PIK3C2A: variants seen among roughly 807,000 people sequenced by gnomAD.
PIK3C2A encodes phosphatidylinositol 4-phosphate 3-kinase C2 domain-containing subunit alpha.
A neutral mutation model predicts 204.5 loss-of-function variants in PIK3C2A; 97 were observed. The observed-to-expected ratio is 0.47, with a 90% CI of 0.40 to 0.56. The LOEUF is 0.56. Ranked by LOEUF, PIK3C2A falls within the 20% of genes least tolerant of loss-of-function variation. The pLI is 0.00. For synonymous variants in PIK3C2A, 653 were observed against 664.4 expected (o/e 0.98, Z 0.26); for missense variants, 1,735 against 1,969.2 (o/e 0.88, Z 2.25).
At chr11:17,106,108 C>CAAA (rs71047530) in intron 22 of PIK3C2A, among the ~76,000 whole-genome samples, 3 of 138,516 alleles carry the variant, frequency 2.2e-5, no homozygotes, top group African/African-American at 8.2e-5. Flanking sequence ...GACTCTATCT[C>CAAA]AAAAAAAAAA....
rs1374502445 is a variant in PIK3C2A, at chr11:17,087,046, A to C, written c.*2692T>G. 6.6e-6 allele frequency: 1 copy of C among 152,218 alleles called. No individual in the cohort carries two copies. 9.4% of individuals were successfully genotyped at this position (152,218 alleles called of 1,614,324 possible). A position where few individuals can be genotyped will look rare whatever the true frequency, so the allele number is the denominator to read the frequency against. ...GTGCAAGTTCTACATTGGGTTCCTC[A>C]GTAGAGAAAATAATAGGTTCTTTGA... On this transcript the variant is annotated 3_prime_UTR_variant, in exon 33 of 33. Coordinates refer to ENST00000691414, the MANE Select transcript of PIK3C2A (RefSeq NM_002645.4).
At chr11:17,108,226 G>A (rs756455678) in intron 22 of PIK3C2A, among the ~76,000 whole-genome samples, 5 of 152,096 alleles carry the variant, frequency 3.3e-5, no homozygotes, top group Non-Finnish European at 7.4e-5. Flanking sequence ...GTTTTAAAAC[G>A]AACTCAACAA....
rs887709299 is a variant in PIK3C2A, at chr11:17,089,382, C to T, written c.*356G>A. The T allele has an allele frequency of 2.4e-5, 4 of 167,232 alleles. No homozygotes were observed. The highest frequency in any genetic ancestry group is 9.5e-5 in the African/African-American group (4 of 42,058). 10.4% of individuals were successfully genotyped at this position (167,232 alleles called of 1,614,324 possible). On this transcript the variant is annotated 3_prime_UTR_variant, in exon 33 of 33. Transcript: ENST00000691414. Reference sequence around the variant, plus strand: ...CTATAAAAGGTGCATAACAGGAAAACACATATGCTTTGCCTCCTTATAGAA... The same window carrying T: ...CTATAAAAGGTGCATAACAGGAAAATACATATGCTTTGCCTCCTTATAGAA...
intron 20 of PIK3C2A, 129 bp from the exon 21 acceptor site, chr11:17,112,795 T>C (rs975572230): frequency 1.6e-5 from 7 of 439,304 alleles, no homozygotes; most frequent in Middle Eastern, 4.3e-4. Flanking sequence ...TTTATTTTTA[T>C]TTCTGTTAGA....
At chr11:17,156,644 G>A (rs1850602461) in intron 2 of PIK3C2A, among the ~76,000 whole-genome samples, 1 of 152,144 alleles carries the variant, frequency 6.6e-6, no homozygotes, top group Non-Finnish European at 1.5e-5. Context: ...CAGCACACAA[G>A]ATGATTCTGT....
At position 17,187,516 on chromosome 11, in the gene PIK3C2A, C is replaced by T. The variant is rs569744812; in HGVS notation, c.-65-17710G>A. Reference sequence around the variant, plus strand: ...CACTTTCATCACCCCATAAAGAAACCCTGCACCCATTAGCAGAGTTTCTCA... The same window carrying T: ...CACTTTCATCACCCCATAAAGAAACTCTGCACCCATTAGCAGAGTTTCTCA... On this transcript the variant is annotated intron_variant, in intron 1 of 32. Coordinates refer to ENST00000691414, the MANE Select transcript of PIK3C2A (RefSeq NM_002645.4). 6.6e-5 allele frequency among the ~76,000 whole-genome samples: 10 copies of T among 152,198 alleles called. No homozygotes were observed. In the South Asian group the frequency reaches 2.1e-3, roughly 32 times the overall value.
intron 1 of PIK3C2A, among the ~76,000 whole-genome samples, chr11:17,203,728 A>T (rs1852464340): frequency 6.6e-6 from 1 of 152,028 alleles, no homozygotes; most frequent in South Asian, 2.1e-4. Flanking sequence ...CCCAAGCTGG[A>T]GTGCAGTGGT....
chr11:17,132,145 A>T, intron 11 of PIK3C2A, 107 bp from the exon 12 acceptor site: 1 of 652,872 alleles, frequency 1.5e-6, no homozygotes, highest in South Asian at 2.1e-5. Flanking sequence ...ATCTGAAATA[A>T]TCTGGTCACC....
intron 26 of PIK3C2A, among the ~76,000 whole-genome samples, chr11:17,098,471 T>C (rs761956220): frequency 2.0e-5 from 3 of 152,202 alleles, no homozygotes; most frequent in Non-Finnish European, 4.4e-5. Flanking sequence ...TTGGACCTCA[T>C]AGACTCCAGA....
intron 1 of PIK3C2A, among the ~76,000 whole-genome samples, chr11:17,204,135 G>A (rs1345620384): frequency 3.3e-5 from 5 of 152,030 alleles, no homozygotes; most frequent in Non-Finnish European, 5.9e-5. Flanking sequence ...TGGACTATGG[G>A]CATGCATTAA....
chr11:17,114,269 TTACCTTCA>T, intron 20 of PIK3C2A, 84 bp downstream of exon 20: 2 of 689,374 alleles, frequency 2.9e-6, no homozygotes, highest in Non-Finnish European at 2.6e-6. Flanking sequence ...TGTGCAGGTT[TTACCTTCA>T]TTTGCCTTAA....
rs1848763510 is a variant in PIK3C2A at position 17,105,032 on chromosome 11, T to C, written c.3681+137A>G. 6.1e-6 allele frequency: 4 copies of C among 653,334 alleles called. No individual in the cohort carries two copies. The Admixed American group carries it at 8.8e-5, about 14-fold the overall frequency. The allele number at this position is 653,334 out of a possible 1,614,324, so 40.5% of individuals were successfully genotyped here. A position where few individuals can be genotyped will look rare whatever the true frequency, so the allele number is the denominator to read the frequency against. ...GCGTCTTGTTTTACATTCTTTCCTA[T>C]ACTTAGAAAAAGATGCTCTTTTCCT... is the stretch of plus-strand genomic sequence containing the variant. On this transcript the variant is annotated intron_variant, in intron 23 of 32. Coordinates refer to ENST00000691414, the MANE Select transcript of PIK3C2A (RefSeq NM_002645.4).
At chr11:17,097,642 G>A (rs1206919970) in intron 26 of PIK3C2A, among the ~76,000 whole-genome samples, 3 of 152,174 alleles carry the variant, frequency 2.0e-5, no homozygotes, top group Admixed American at 6.5e-5. Flanking sequence ...GGCTGGGCAC[G>A]GTGGCTCACG....
Position 17,145,905 on chromosome 11 carries a change from T to C in PIK3C2A, c.1598A>G (p.His533Arg), listed in dbSNP as rs758276141. 1.9e-6 allele frequency: 3 copies of C among 1,613,616 alleles called. No homozygotes were observed. The highest frequency in any genetic ancestry group is 2.5e-6 in the Non-Finnish European group (3 of 1,179,866). Residue 533 changes from histidine (H) to arginine (R), a missense_variant, in exon 7 of 33, where the codon CAC (histidine) becomes CGC (arginine). Physicochemically the swap from His to Arg is conservative, Grantham distance 29 (BLOSUM62 0). Transcript: ENST00000691414. ...GCAAGGTTTTTCTATTTGATACAGG[T>C]GTTTGTTTAAATCCACGGGTGTTTC... ...DDETPVDLNK[H>R]LYQIEKPCKE...
chr11:17,154,065 T>C (rs1014009206), intron 3 of PIK3C2A, among the ~76,000 whole-genome samples: 2 of 152,240 alleles, frequency 1.3e-5, no homozygotes, highest in African/African-American at 2.4e-5. Flanking sequence ...TGCAGTTTCG[T>C]ATCACATTTA....
intron 1 of PIK3C2A, among the ~76,000 whole-genome samples, chr11:17,184,966 G>GA (rs886469469): frequency 1.3e-5 from 2 of 151,196 alleles, no homozygotes; most frequent in African/African-American, 4.9e-5. Flanking sequence ...TAATTAAAAA[G>GA]AAAAAAATAT....
Position 17,150,483 on chromosome 11 carries a change from G to T in PIK3C2A, c.1327+15C>A. On this transcript the variant is annotated intron_variant, in intron 4 of 32. Transcript: ENST00000691414. ...AACAGAGCAAAACGAGAGGCTTGAG[G>T]AACCATAAACCTACCATCACACGTA... The T allele has an allele frequency of 6.4e-7, 1 of 1,571,738 alleles. No individual in the cohort carries two copies. The highest frequency in any genetic ancestry group is 1.4e-5 in the African/African-American group (1 of 72,112).
At chr11:17,184,799 C>A (rs967123786) in intron 1 of PIK3C2A, among the ~76,000 whole-genome samples, 1 of 151,934 alleles carries the variant, frequency 6.6e-6, no homozygotes, top group Non-Finnish European at 1.5e-5. Flanking sequence ...AATAATTAGC[C>A]GAGTGTGGTG....
At chr11:17,188,956 G>C (rs1851848229) in intron 1 of PIK3C2A, among the ~76,000 whole-genome samples, 1 of 146,942 alleles carries the variant, frequency 6.8e-6, no homozygotes, top group Non-Finnish European at 1.5e-5. Flanking sequence ...AGAGCAGCAA[G>C]GCAGAGATCT....
Sources: gnomAD v4.1 joint callset for allele counts (sites outside exome capture counted in the v4.1 genomes callset) on GRCh38, gnomAD v4.1.1 for gene constraint, MANE v1.5 for transcripts, NCBI Gene and HGNC (gene_info 2026-07-23, HGNC 2026-07-21) for gene names.